AHCTF1: variants seen among roughly 807,000 people sequenced by gnomAD.
The protein encoded by AHCTF1 is protein ELYS.
AHCTF1 carries 24 observed loss-of-function variants against 248.4 expected under a neutral mutation model. The observed-to-expected ratio is 0.10, with a 90% CI of 0.07 to 0.14. AHCTF1 has a LOEUF of 0.14. Among genes scored for constraint, AHCTF1 ranks in the 10% least tolerant of loss-of-function variants. The pLI, the probability that AHCTF1 is intolerant of heterozygous loss-of-function variation, is 1.00. For synonymous variants in AHCTF1, 786 were observed against 929.8 expected, an observed-to-expected ratio of 0.85 and a Z score of 2.81; for missense variants, 2,206 against 2,636.2, an observed-to-expected ratio of 0.84 and a Z score of 3.57.
chr1:246,869,943 G>C (rs1321417907), intron 24 of AHCTF1, among the ~76,000 whole-genome samples: 1 of 152,166 alleles, frequency 6.6e-6, no homozygotes, highest in Non-Finnish European at 1.5e-5. Flanking sequence ...TCCGAACAAA[G>C]TCCTTTGAAA....
intron 26 of AHCTF1, among the ~76,000 whole-genome samples, chr1:246,866,143 G>A (rs962449268): frequency 2.0e-5 from 3 of 152,120 alleles, no homozygotes; most frequent in African/African-American, 7.2e-5. Flanking sequence ...AACACAGAAG[G>A]TAAATATTCA....
chr1:246,868,868 G>GAAAAAAGTACCACGTGAT (rs1662261203), intron 24 of AHCTF1, among the ~76,000 whole-genome samples: 4 of 140,172 alleles, frequency 2.9e-5, no homozygotes, highest in African/African-American at 8.0e-5. Context: ...TTTTTGAGAT[G>GAAAAAAGTACCACGTGAT]GAGTCTCGCT....
In AHCTF1 at chr1:246,867,827, C is replaced by T. The variant is rs201276411; in HGVS notation, c.3089-16G>A. 1.3e-4 allele frequency: 207 copies of T among 1,574,372 alleles called. No individual in the cohort carries two copies. Among genetic ancestry groups the T allele is most frequent in the Middle Eastern group, 1.7e-4 (1 of 5,908 alleles). On this transcript the variant is annotated splice_polypyrimidine_tract_variant and intron_variant, in intron 24 of 35. Coordinates refer to ENST00000648844, the MANE Select transcript of AHCTF1 (RefSeq NM_001323342.2). ...GGTCTAGAAACTGTAAAATGAAGAA[C>T]GCTGGAATTAAGTGCATCTCTAACA... is the stretch of plus-strand genomic sequence containing the variant.
chr1:246,889,891 T>C, intron 17 of AHCTF1, 75 bp downstream of exon 17: 2 of 1,089,434 alleles, frequency 1.8e-6, no homozygotes, highest in East Asian at 2.4e-5. Flanking sequence ...TTTAATCACT[T>C]TGTAAAACGA....
At position 246,864,037 on chromosome 1, in the gene AHCTF1, G is replaced by A; in HGVS notation, c.3427C>T (p.Pro1143Ser). 6.2e-7 allele frequency: 1 copy of A among 1,614,138 alleles called. No homozygotes were observed. Among genetic ancestry groups the A allele is most frequent in the Non-Finnish European group, 8.5e-7 (1 of 1,180,000 alleles). The change falls in exon 27 of 36, where the codon CCT (proline) becomes TCT (serine). Residue 1143 changes from proline to serine, a missense_variant. Around this residue, in one of 6 missense-constraint regions of AHCTF1, gnomAD observed 955 missense variants for 1,055.6 expected, o/e 0.90. Transcript: ENST00000648844. The part of the protein sequence containing the change: ...EFIQQSSMKS[P>S]LYLVSRSLPS... ...AGTGAACGGGATACTAGGTACAAAG[G>A]AGATTTCATGGAGCTTTGCTGAATA...
chr1:246,891,676 C>G (rs1664214034), intron 15 of AHCTF1, 103 bp downstream of exon 15: 2 of 1,256,020 alleles, frequency 1.6e-6, no homozygotes, highest in East Asian at 2.6e-5. Flanking sequence ...ATAAAGTCCT[C>G]TTTACATAAT....
chr1:246,877,965 C>T (rs1015136639), intron 21 of AHCTF1, among the ~76,000 whole-genome samples: 1 of 151,054 alleles, frequency 6.6e-6, no homozygotes, highest in African/African-American at 2.4e-5. Flanking sequence ...CATACCCCAC[C>T]GACAGGATTA....
intron 1 of AHCTF1, among the ~76,000 whole-genome samples, chr1:246,928,097 C>T (rs1285333698): frequency 6.6e-6 from 1 of 151,876 alleles, no homozygotes; most frequent in Non-Finnish European, 1.5e-5. Context: ...GTCAGGAGAT[C>T]GAGACCATCC....
chr1:246,847,454 G>A (rs554747558), intron 33 of AHCTF1, among the ~76,000 whole-genome samples: 1 of 152,254 alleles, frequency 6.6e-6, no homozygotes, highest in Admixed American at 6.5e-5. Flanking sequence ...TTCTTTCGAT[G>A]GCTGGATTAT....
At chr1:246,898,863 G>A (rs1451767597) in intron 11 of AHCTF1, among the ~76,000 whole-genome samples, 4 of 152,154 alleles carry the variant, frequency 2.6e-5, no homozygotes, top group Non-Finnish European at 4.4e-5. Context: ...CGAGGCAGGC[G>A]GATCATCTGA....
At chr1:246,904,829 A>G (rs1691241) in intron 6 of AHCTF1, among the ~76,000 whole-genome samples, 92,152 of 152,070 alleles carry the variant, frequency 0.61, 30,162 homozygotes, top group African/African-American at 0.87. Context: ...TTGGCTTCTA[A>G]CACACCACAC....
At chr1:246,880,086 G>A (rs1242740581) in intron 21 of AHCTF1, among the ~76,000 whole-genome samples, 1 of 152,018 alleles carries the variant, frequency 6.6e-6, no homozygotes, top group Non-Finnish European at 1.5e-5. Context: ...AAGATCTTAG[G>A]AAGAATACAC....
intron 24 of AHCTF1, among the ~76,000 whole-genome samples, chr1:246,872,978 G>C (rs1472225227): frequency 6.6e-6 from 1 of 152,050 alleles, no homozygotes; most frequent in Non-Finnish European, 1.5e-5. Flanking sequence ...AAACTGTTTG[G>C]ACCATGTATT....
At chr1:246,922,904 A>C (rs1224230915) in intron 1 of AHCTF1, among the ~76,000 whole-genome samples, 1 of 147,630 alleles carries the variant, frequency 6.8e-6, no homozygotes, top group African/African-American at 2.5e-5. Context: ...AATGGCATGA[A>C]CCCAGGAGGC....
chr1:246,840,692 C>T lies in AHCTF1; in HGVS notation c.*114G>A. 1.2e-6 allele frequency: 1 copy of T among 844,890 alleles called. No individual in the cohort carries two copies. The highest frequency in any genetic ancestry group is 1.7e-6 in the Non-Finnish European group (1 of 597,736). The allele number at this position is 844,890 out of a possible 1,614,324, so 52.3% of individuals were successfully genotyped here. ...TTACTTATTGAAGACCTTCTGTTTA[C>T]ATAAAAATTTACAATAATTTATATA... On this transcript the variant is annotated 3_prime_UTR_variant, in exon 36 of 36. Coordinates refer to ENST00000648844, the MANE Select transcript of AHCTF1 (RefSeq NM_001323342.2).
At chr1:246,914,797 G>A (rs978385611) in intron 3 of AHCTF1, among the ~76,000 whole-genome samples, 7 of 152,064 alleles carry the variant, frequency 4.6e-5, no homozygotes, top group African/African-American at 1.7e-4. Context: ...ATTCAACTGA[G>A]CAACCAGTTC....
intron 6 of AHCTF1, among the ~76,000 whole-genome samples, chr1:246,904,758 G>A (rs1455718605): frequency 6.6e-6 from 1 of 152,182 alleles, no homozygotes; most frequent in Non-Finnish European, 1.5e-5. Flanking sequence ...ATCTGAATCT[G>A]AATTTTACTA....
intron 1 of AHCTF1, among the ~76,000 whole-genome samples, chr1:246,923,875 A>G (rs1275673009): frequency 2.6e-5 from 4 of 152,244 alleles, no homozygotes; most frequent in African/African-American, 4.8e-5. Context: ...AGATAACCCC[A>G]GGAAAACTCC....
chr1:246,898,244 T>C lies in AHCTF1; in HGVS notation c.1587A>G (p.Pro529=). 1 of 1,612,330 alleles carries C rather than the reference T, an allele frequency of 6.2e-7. No homozygotes were observed. Among genetic ancestry groups the C allele is most frequent in the Non-Finnish European group, 8.5e-7 (1 of 1,179,984 alleles). The change falls in exon 12 of 36, where the codon CCA becomes CCG. Residue 529 remains proline (P), a synonymous_variant. Transcript: ENST00000648844. ...TGGAAGGCTGAACATCAACAAATCT[T>C]GGGGAAAGAAGGCCAGCTACAAGAC... ...NRCLVAGLLS[P]RFVDVQPSSL...
Sources: allele counts gnomAD v4.1 joint callset (sites outside exome capture counted in the v4.1 genomes callset), GRCh38; gene constraint gnomAD v4.1.1; regional missense constraint gnomAD v4.1.1; transcripts MANE v1.5; gene names NCBI Gene and HGNC (gene_info 2026-07-23, HGNC 2026-07-21).